The following WWOX variants were observed in gnomAD, a reference collection of about 807,000 sequenced individuals.
WWOX encodes WW domain containing oxidoreductase, also known as WW domain-containing oxidoreductase.
In WWOX, 69 loss-of-function variants were observed where a neutral mutation model predicts 46.2. That is an observed-to-expected ratio of 1.49 (90% CI 1.23 to 1.82). The LOEUF is 1.82. WWOX is among the 40% of genes most tolerant of loss of function. WWOX has a pLI of 0.00. For missense variants in WWOX, 919 were observed against 542.6 expected (o/e 1.69, Z -6.89); for synonymous variants, 359 against 202.6 (o/e 1.77, Z -6.56).
chr16:78,954,030 C>G (rs1410516280), intron 8 of WWOX, among the ~76,000 whole-genome samples: 5 of 152,224 alleles, frequency 3.3e-5, no homozygotes, highest in Non-Finnish European at 2.9e-5. Context: ...GGTTATTTCT[C>G]CTCTTCCATA....
chr16:78,856,277 A>G (rs1340484498), intron 8 of WWOX, among the ~76,000 whole-genome samples: 1 of 152,252 alleles, frequency 6.6e-6, no homozygotes, highest in Non-Finnish European at 1.5e-5. Context: ...CGTTGTTTGT[A>G]GGCAAGTAGG....
chr16:78,274,996 C>G (rs75611454), intron 5 of WWOX, among the ~76,000 whole-genome samples: 8 of 152,216 alleles, frequency 5.3e-5, no homozygotes, highest in African/African-American at 1.9e-4. Flanking sequence ...TCATGAATCC[C>G]AAGTCATGAT....
chr16:78,100,489 A>G (rs538153911), intron 1 of WWOX, among the ~76,000 whole-genome samples: 3 of 152,354 alleles, frequency 2.0e-5, no homozygotes, highest in African/African-American at 7.2e-5. Flanking sequence ...ACTGGGCTCA[A>G]GCAGGCCACC....
At chr16:78,153,307 G>A (rs996268028) in intron 4 of WWOX, among the ~76,000 whole-genome samples, 2 of 152,092 alleles carry the variant, frequency 1.3e-5, no homozygotes, top group African/African-American at 2.4e-5. Context: ...CAAGATCATC[G>A]TCAATGTCAT....
At chr16:78,253,158 C>T (rs1011331963) in intron 5 of WWOX, among the ~76,000 whole-genome samples, 3 of 152,014 alleles carry the variant, frequency 2.0e-5, no homozygotes, top group Non-Finnish European at 2.9e-5. Flanking sequence ...TGGTATTCTC[C>T]CTATATCACT....
At chr16:78,973,733 A>G (rs1038500993) in intron 8 of WWOX, among the ~76,000 whole-genome samples, 8 of 152,212 alleles carry the variant, frequency 5.3e-5, no homozygotes, top group African/African-American at 1.9e-4. Flanking sequence ...GTTCCCAGAG[A>G]AAAAGTAAAT....
chr16:78,483,109 G>A (rs1332206013), intron 8 of WWOX, among the ~76,000 whole-genome samples: 2 of 152,144 alleles, frequency 1.3e-5, no homozygotes, highest in Non-Finnish European at 2.9e-5. Flanking sequence ...GCAAAGTCAA[G>A]TTGGAGATGG....
intron 8 of WWOX, among the ~76,000 whole-genome samples, chr16:79,099,372 C>T (rs1297017600): frequency 3.3e-5 from 5 of 152,116 alleles, no homozygotes; most frequent in African/African-American, 1.2e-4. Flanking sequence ...TGTAAGGTCC[C>T]GTGACAATTA....
intron 8 of WWOX, among the ~76,000 whole-genome samples, chr16:78,453,290 AGC>A (rs2083735844): frequency 1.3e-5 from 2 of 151,982 alleles, no homozygotes; most frequent in Admixed American, 1.3e-4. Flanking sequence ...TGGGCATGGT[AGC>A]GGTGCCTGTA....
chr16:78,135,265 TGTTTA>T (rs1035544396), intron 4 of WWOX, among the ~76,000 whole-genome samples: 1 of 152,188 alleles, frequency 6.6e-6, no homozygotes, highest in Non-Finnish European at 1.5e-5. Flanking sequence ...TGCCTTTTCA[TGTTTA>T]GTTTAGAGCT....
chr16:78,833,299 A>G (rs181379620), intron 8 of WWOX, among the ~76,000 whole-genome samples: 182 of 152,026 alleles, frequency 1.2e-3, no homozygotes, highest in Non-Finnish European at 1.9e-3. Context: ...CTCTCACCTC[A>G]TTCTCTCAAA....
intron 8 of WWOX, among the ~76,000 whole-genome samples, chr16:79,079,985 A>G (rs953412796): frequency 2.0e-5 from 3 of 152,164 alleles, no homozygotes; most frequent in African/African-American, 7.2e-5. Flanking sequence ...TTCTACGGGT[A>G]TTTGTTGAAT....
intron 8 of WWOX, among the ~76,000 whole-genome samples, chr16:78,883,422 A>G (rs929538968): frequency 2.6e-5 from 4 of 152,148 alleles, no homozygotes; most frequent in Non-Finnish European, 1.5e-5. Flanking sequence ...GTAACATACC[A>G]TTTTCATAAG....
intron 8 of WWOX, among the ~76,000 whole-genome samples, chr16:78,664,379 C>G (rs188312325): frequency 3.3e-5 from 5 of 152,154 alleles, no homozygotes; most frequent in Admixed American, 6.5e-5. Context: ...TGACTGCCCA[C>G]GTAGGAAGTG....
chr16:78,388,969 CA>C (rs71137896), intron 6 of WWOX, among the ~76,000 whole-genome samples: 6,997 of 129,210 alleles, frequency 0.054, 208 homozygotes, highest in Non-Finnish European at 0.072. Flanking sequence ...AACTCTGTCT[CA>C]AAAAAAAAAA....
rs527775033 is a variant in WWOX, at chr16:78,519,059, A to G, written c.1056+86307A>G. On this transcript the variant is annotated intron_variant, in intron 8 of 8. Transcript: ENST00000566780. Reference sequence around the variant, plus strand: ...AGCTGTTTTTCTAATTTAATCTTATACATGAGACAGCTATAGATGGATGTA... The same window carrying G: ...AGCTGTTTTTCTAATTTAATCTTATGCATGAGACAGCTATAGATGGATGTA... 4.6e-5 allele frequency among the ~76,000 whole-genome samples: 7 copies of G among 152,342 alleles called. No individual in the cohort carries two copies. The East Asian group carries it at 1.3e-3, about 29-fold the overall frequency.
At position 78,971,714 on chromosome 16, in the gene WWOX, C is replaced by T. The variant is rs182685967; in HGVS notation, c.1057-239894C>T. On this transcript the variant is annotated intron_variant, in intron 8 of 8. Transcript: ENST00000566780. Reference sequence around the variant, plus strand: ...GAGTCATGTCTCTGATAAATCGCCCCCCCACCCCGATCCCCACCCTCTGCC... The same window carrying T: ...GAGTCATGTCTCTGATAAATCGCCCTCCCACCCCGATCCCCACCCTCTGCC... Among the ~76,000 whole-genome samples, 6 of 151,944 alleles carry T rather than the reference C, an allele frequency of 3.9e-5. No homozygotes were observed. In the East Asian group the frequency reaches 5.8e-4, roughly 15 times the overall value.
chr16:79,042,630 C>T (rs2047993306), intron 8 of WWOX, among the ~76,000 whole-genome samples: 1 of 151,962 alleles, frequency 6.6e-6, no homozygotes, highest in African/African-American at 2.4e-5. Context: ...CTGTTGGGCT[C>T]AAGTGCAGTT....
intron 5 of WWOX, among the ~76,000 whole-genome samples, chr16:78,280,412 A>C (rs921580463): frequency 8.5e-5 from 13 of 152,372 alleles, no homozygotes; most frequent in Non-Finnish European, 1.5e-4. Context: ...ACAACCAGTC[A>C]CTTGATCTGG....
Sources: allele counts gnomAD v4.1 joint callset (sites outside exome capture counted in the v4.1 genomes callset), GRCh38; gene constraint gnomAD v4.1.1; transcripts MANE v1.5; gene names NCBI Gene and HGNC (gene_info 2026-07-23, HGNC 2026-07-21).